The following IFT88 variants were observed in gnomAD, a reference collection of about 807,000 sequenced individuals.
The protein encoded by IFT88 is intraflagellar transport 88, also known as intraflagellar transport protein 88 homolog.
Under a neutral mutation model 119.5 loss-of-function variants are expected in IFT88, and 74 were observed. The observed-to-expected ratio is 0.62, with a 90% CI of 0.51 to 0.75. The LOEUF (loss-of-function observed/expected upper bound fraction) is 0.75, where lower values mean the gene tolerates loss of function less well. Ranked by LOEUF, IFT88 falls within the 30% of genes least tolerant of loss-of-function variation. The probability of loss-of-function intolerance (pLI) is 0.00; values close to 1 mark genes in which losing one functional copy is unlikely to be tolerated. For missense variants in IFT88, 961 were observed against 977.7 expected (o/e 0.98, Z 0.23); for synonymous variants, 279 against 316.7 (o/e 0.88, Z 1.26).
Position 20,615,822 on chromosome 13 carries a change from C to T in IFT88, c.1142C>T (p.Thr381Ile), listed in dbSNP as rs756369243. Residue 381 changes from threonine (T) to isoleucine (I), a missense_variant, in exon 14 of 26, where the codon ACA becomes ATA. By Grantham distance (89) the Thr-to-Ile change is moderately conservative. Transcript: ENST00000351808. ...RKAMAEKYIM[T>I]SAKLIAPVIE... ...GCCATGGCAGAAAAATATATTATGA[C>T]ATCTGCAAAACTCATTGCTCCTGTA... is the stretch of plus-strand genomic sequence containing the variant. The T allele has an allele frequency of 3.1e-6, 5 of 1,604,340 alleles. No homozygotes were observed. The highest frequency in any genetic ancestry group is 4.3e-6 in the Non-Finnish European group (5 of 1,175,926).
chr13:20,675,780 G>A (rs1459320353), intron 24 of IFT88, among the ~76,000 whole-genome samples: 1 of 152,204 alleles, frequency 6.6e-6, no homozygotes, highest in East Asian at 1.9e-4. Flanking sequence ...AGTTTTATAT[G>A]TCACAAAATA....
intron 13 of IFT88, among the ~76,000 whole-genome samples, chr13:20,606,393 T>A (rs540530052): frequency 6.6e-6 from 1 of 152,194 alleles, no homozygotes; most frequent in East Asian, 1.9e-4. Flanking sequence ...CCCTGCCCAA[T>A]AGATACAAGG....
chr13:20,607,842 A>G (rs1436164115), intron 13 of IFT88: 6 of 728,240 alleles, frequency 8.2e-6, no homozygotes, highest in Non-Finnish European at 1.6e-5. Flanking sequence ...TGGTCATCAC[A>G]GTGTCCCTGA....
Position 20,691,125 on chromosome 13 carries a change from G to A in IFT88, c.2425G>A (p.Glu809Lys), listed in dbSNP as rs1348482594. 6 of 1,613,938 alleles carry A rather than the reference G, an allele frequency of 3.7e-6. No individual in the cohort carries two copies. The highest frequency in any genetic ancestry group is 5.1e-6 in the Non-Finnish European group (6 of 1,179,870). ...PKTAAKKRID[E>K]DDFADEELGD... ...AACTGCAGCCAAGAAAAGGATCGATGAGGATGATTTTGCTGATGAAGAATT... is the reference window on the plus strand; with the variant it reads ...AACTGCAGCCAAGAAAAGGATCGATAAGGATGATTTTGCTGATGAAGAATT... Residue 809 changes from glutamate (E) to lysine (K), a missense_variant, in exon 26 of 26, where the codon GAG becomes AAG. Physicochemically the swap from Glu to Lys is moderately conservative, Grantham distance 56. Coordinates refer to ENST00000351808, the MANE Select transcript of IFT88 (RefSeq NM_006531.5).
chr13:20,660,557 G>A (rs1358061456), intron 22 of IFT88, among the ~76,000 whole-genome samples: 1 of 152,200 alleles, frequency 6.6e-6, no homozygotes, highest in Admixed American at 6.5e-5. Context: ...GGGCAGTACC[G>A]AAATGCAAAA....
At chr13:20,615,924 A>G (rs1278792623) in intron 14 of IFT88, 45 bp downstream of exon 14, 1 of 1,084,136 alleles carries the variant, frequency 9.2e-7, no homozygotes, top group African/African-American at 1.6e-5. Flanking sequence ...GGTTTTTTTC[A>G]TAATTTATAC....
intron 13 of IFT88, among the ~76,000 whole-genome samples, chr13:20,611,295 G>A (rs976305351): frequency 3.3e-5 from 5 of 151,062 alleles, no homozygotes; most frequent in Non-Finnish European, 7.4e-5. Flanking sequence ...ACAAACTCAC[G>A]GCTAACATCA....
chr13:20,580,866 C>T (rs2038484733), intron 2 of IFT88, among the ~76,000 whole-genome samples: 1 of 151,794 alleles, frequency 6.6e-6, no homozygotes, highest in Non-Finnish European at 1.5e-5. Flanking sequence ...GCTGGGACTA[C>T]AGGCGCCCGC....
chr13:20,629,458 G>GT (rs1050155591), intron 15 of IFT88, among the ~76,000 whole-genome samples: 13 of 152,194 alleles, frequency 8.5e-5, no homozygotes, highest in African/African-American at 3.1e-4. Context: ...CTTTTCCAGT[G>GT]TTTACTTTGT....
intron 15 of IFT88, among the ~76,000 whole-genome samples, chr13:20,630,742 A>C (rs1237727812): frequency 6.6e-6 from 1 of 152,158 alleles, no homozygotes; most frequent in Non-Finnish European, 1.5e-5. Context: ...TCCAGTCACC[A>C]GGTCTCTCTT....
intron 3 of IFT88, among the ~76,000 whole-genome samples, chr13:20,583,337 GCTTATTCA>G (rs2039066053): frequency 6.6e-6 from 1 of 152,064 alleles, no homozygotes; most frequent in Non-Finnish European, 1.5e-5. Flanking sequence ...TTTGTGACTG[GCTTATTCA>G]CTTAGTATAA....
At chr13:20,649,004 G>A (rs774380133) in intron 20 of IFT88, among the ~76,000 whole-genome samples, 2 of 152,114 alleles carry the variant, frequency 1.3e-5, no homozygotes, top group Non-Finnish European at 2.9e-5. Context: ...CAACAGAGGA[G>A]CCCCAAAATA....
chr13:20,689,842 G>A (rs17056099), intron 24 of IFT88, among the ~76,000 whole-genome samples: 34,114 of 151,978 alleles, frequency 0.22, 4,572 homozygotes, highest in African/African-American at 0.36. Context: ...AAAGACACCC[G>A]TATACATTTC....
chr13:20,684,597 A>G (rs1484324372), intron 24 of IFT88, among the ~76,000 whole-genome samples: 1 of 152,178 alleles, frequency 6.6e-6, no homozygotes, highest in Non-Finnish European at 1.5e-5. Flanking sequence ...ACCTTTTCCC[A>G]GACCTCTACA....
intron 7 of IFT88, among the ~76,000 whole-genome samples, chr13:20,594,008 A>G (rs1294580009): frequency 1.3e-5 from 2 of 151,958 alleles, no homozygotes; most frequent in Non-Finnish European, 2.9e-5. Flanking sequence ...CTGTAATCAT[A>G]CCACTGCACC....
At chr13:20,615,312 G>A (rs944416676) in intron 13 of IFT88, among the ~76,000 whole-genome samples, 3 of 152,064 alleles carry the variant, frequency 2.0e-5, no homozygotes, top group Non-Finnish European at 2.9e-5. Flanking sequence ...TAACCTTGAC[G>A]ATAACACATT....
intron 24 of IFT88, among the ~76,000 whole-genome samples, chr13:20,690,057 G>C (rs2058330434): frequency 6.6e-6 from 1 of 152,076 alleles, no homozygotes; most frequent in South Asian, 2.1e-4. Context: ...AAAATGTGGG[G>C]ATTTTAAAGA....
At chr13:20,632,334 T>A (rs1330298322) in intron 16 of IFT88, among the ~76,000 whole-genome samples, 1 of 152,098 alleles carries the variant, frequency 6.6e-6, no homozygotes, top group Non-Finnish European at 1.5e-5. Flanking sequence ...CTATAAGAGC[T>A]TTCCTTAGGA....
At chr13:20,574,309 G>C in intron 1 of IFT88, 71 bp from the exon 2 acceptor site, 1 of 771,234 alleles carries the variant, frequency 1.3e-6, no homozygotes, top group Non-Finnish European at 2.0e-6. Flanking sequence ...AACAGAGCAA[G>C]ACATATCTCA....
Sources: gnomAD v4.1 joint callset for allele counts (sites outside exome capture counted in the v4.1 genomes callset) on GRCh38, gnomAD v4.1.1 for gene constraint, MANE v1.5 for transcripts, NCBI Gene and HGNC (gene_info 2026-07-23, HGNC 2026-07-21) for gene names.